SLC24A3: variants seen among roughly 807,000 people sequenced by gnomAD.
The protein encoded by SLC24A3 is solute carrier family 24 member 3, also known as sodium/potassium/calcium exchanger 3.
SLC24A3 carries 28 observed loss-of-function variants against 75.8 expected under a neutral mutation model. The ratio of observed to expected loss-of-function variants is 0.37; its 90% CI spans 0.27 to 0.51. The LOEUF is 0.51. Among genes scored for constraint, SLC24A3 ranks in the 20% least tolerant of loss-of-function variants. SLC24A3 has a pLI of 0.94. For synonymous variants in SLC24A3, 372 were observed against 334.1 expected (o/e 1.11, Z -1.24); for missense variants, 663 against 847.8 (o/e 0.78, Z 2.71).
At chr20:19,288,364 T>A (rs1470358997) in intron 2 of SLC24A3, among the ~76,000 whole-genome samples, 1 of 152,198 alleles carries the variant, frequency 6.6e-6, no homozygotes, top group African/African-American at 2.4e-5. Flanking sequence ...ACACTATTTG[T>A]TTTTTCTAGC....
At chr20:19,707,136 C>T (rs1301751372) in intron 15 of SLC24A3, among the ~76,000 whole-genome samples, 9 of 152,194 alleles carry the variant, frequency 5.9e-5, no homozygotes, top group Non-Finnish European at 1.3e-4. Context: ...GCTTCGGAAA[C>T]ACATTATGGA....
At chr20:19,602,812 C>G (rs1417900135) in intron 6 of SLC24A3, among the ~76,000 whole-genome samples, 1 of 152,182 alleles carries the variant, frequency 6.6e-6, no homozygotes, top group Non-Finnish European at 1.5e-5. Flanking sequence ...CCCTGACTCT[C>G]TCTCTGCGCT....
chr20:19,403,334 A>C (rs1301867346), intron 2 of SLC24A3, among the ~76,000 whole-genome samples: 1 of 152,200 alleles, frequency 6.6e-6, no homozygotes, highest in Admixed American at 6.5e-5. Flanking sequence ...TGCTTATTCT[A>C]TTATAGAGAA....
In SLC24A3 at chr20:19,495,093, C is replaced by T. The variant is rs150652917; in HGVS notation, c.272-20395C>T. Among the ~76,000 whole-genome samples, 73 of 152,250 alleles carry T rather than the reference C, an allele frequency of 4.8e-4. 1 individual carries two copies. The East Asian group carries it at 0.012, about 25-fold the overall frequency. On this transcript the variant is annotated intron_variant, in intron 2 of 16. Coordinates refer to ENST00000328041, the MANE Select transcript of SLC24A3 (RefSeq NM_020689.4). ...TTGAGGCAGGAGCTGGCCTTTGTAC[C>T]CTAGTGTCTACCACCCCTCTTGGAG...
chr20:19,507,189 G>T (rs1367561337), intron 2 of SLC24A3, among the ~76,000 whole-genome samples: 1 of 152,200 alleles, frequency 6.6e-6, no homozygotes, highest in African/African-American at 2.4e-5. Context: ...TAAGTGATTT[G>T]TGTGCCAGGT....
intron 2 of SLC24A3, among the ~76,000 whole-genome samples, chr20:19,497,921 C>A (rs1988320141): frequency 6.6e-6 from 1 of 152,182 alleles, no homozygotes; most frequent in African/African-American, 2.4e-5. Flanking sequence ...CTGTTAGGAA[C>A]TGGGCCACAT....
chr20:19,640,096 G>A (rs1335274250), intron 6 of SLC24A3, among the ~76,000 whole-genome samples: 1 of 152,244 alleles, frequency 6.6e-6, no homozygotes, highest in Non-Finnish European at 1.5e-5. Flanking sequence ...TGCAGAGGTG[G>A]GCTGAAGGGC....
intron 10 of SLC24A3, among the ~76,000 whole-genome samples, chr20:19,682,248 C>G (rs2032623723): frequency 6.6e-6 from 1 of 151,810 alleles, no homozygotes; most frequent in African/African-American, 2.4e-5. Context: ...GAGCCAGACC[C>G]TATTTCAAAA....
chr20:19,280,680 G>T (rs761467), intron 1 of SLC24A3, among the ~76,000 whole-genome samples: 68,023 of 151,750 alleles, frequency 0.45, 15,632 homozygotes, highest in Middle Eastern at 0.6. Context: ...GACAGGGAAT[G>T]GGGGGCAGTT....
At chr20:19,520,722 C>CCTGTT (rs2030083319) in intron 3 of SLC24A3, among the ~76,000 whole-genome samples, 1 of 151,928 alleles carries the variant, frequency 6.6e-6, no homozygotes, top group Non-Finnish European at 1.5e-5. Flanking sequence ...TGGTGGTCTC[C>CCTGTT]CCTGTTCCCC....
chr20:19,496,202 G>T (rs376202062), intron 2 of SLC24A3, among the ~76,000 whole-genome samples: 9 of 152,226 alleles, frequency 5.9e-5, no homozygotes, highest in Middle Eastern at 3.4e-3. Flanking sequence ...TGATGATTTC[G>T]CAGAGTAAGC....
At position 19,530,698 on chromosome 20, in the gene SLC24A3, A is replaced by G. The variant is rs139014844; in HGVS notation, c.348+15134A>G. ...GCATCCATCCCTAGACAGCAGGGAC[A>G]TTGTCAGATTCCCCAGAATGCAACC... On this transcript the variant is annotated intron_variant, in intron 3 of 16. Transcript: ENST00000328041. Among the ~76,000 whole-genome samples the G allele has an allele frequency of 6.1e-3, 935 of 152,328 alleles. 10 individuals are homozygous for G. The highest frequency in any genetic ancestry group is 0.021 in the African/African-American group (878 of 41,572).
intron 3 of SLC24A3, among the ~76,000 whole-genome samples, chr20:19,561,066 C>T (rs1568656419): frequency 1.3e-5 from 2 of 152,158 alleles, no homozygotes; most frequent in African/African-American, 2.4e-5. Flanking sequence ...GTCTACATTC[C>T]GGGAGTATTT....
intron 2 of SLC24A3, among the ~76,000 whole-genome samples, chr20:19,473,037 G>A (rs1308326793): frequency 6.6e-6 from 1 of 152,152 alleles, no homozygotes; most frequent in Non-Finnish European, 1.5e-5. Flanking sequence ...ATCAAGGCTG[G>A]ATCAGACATA....
At chr20:19,334,386 G>C (rs1057243725) in intron 2 of SLC24A3, among the ~76,000 whole-genome samples, 1 of 151,636 alleles carries the variant, frequency 6.6e-6, no homozygotes, top group Non-Finnish European at 1.5e-5. Flanking sequence ...AAAAAATAAA[G>C]AGTGCTATGA....
intron 3 of SLC24A3, among the ~76,000 whole-genome samples, chr20:19,569,137 C>T (rs1276533697): frequency 2.0e-5 from 3 of 152,144 alleles, no homozygotes; most frequent in South Asian, 4.1e-4. Flanking sequence ...CCTGCCCTTC[C>T]CTGGCCAGCC....
At chr20:19,561,646 A>G (rs1394606297) in intron 3 of SLC24A3, among the ~76,000 whole-genome samples, 1 of 152,214 alleles carries the variant, frequency 6.6e-6, no homozygotes, top group Non-Finnish European at 1.5e-5. Flanking sequence ...GGATTAAAAT[A>G]ATAATGACCC....
At chr20:19,476,165 G>A (rs146237778) in intron 2 of SLC24A3, among the ~76,000 whole-genome samples, 270 of 152,304 alleles carry the variant, frequency 1.8e-3, no homozygotes, top group African/African-American at 6.1e-3. Flanking sequence ...CTTCCTTGCT[G>A]GTGTTGCAGC....
At chr20:19,394,929 C>A (rs1230059362) in intron 2 of SLC24A3, among the ~76,000 whole-genome samples, 1 of 152,192 alleles carries the variant, frequency 6.6e-6, no homozygotes, top group African/African-American at 2.4e-5. Context: ...ATGTTCACAG[C>A]AGCATTATTT....
Sources: allele counts gnomAD v4.1 joint callset (sites outside exome capture counted in the v4.1 genomes callset), GRCh38; gene constraint gnomAD v4.1.1; transcripts MANE v1.5; gene names NCBI Gene and HGNC (gene_info 2026-07-23, HGNC 2026-07-21).